The following NPAS2 variants were observed in gnomAD, a reference collection of about 807,000 sequenced individuals.
NPAS2 encodes neuronal PAS domain protein 2.
NPAS2 carries 23 observed loss-of-function variants against 107.5 expected under a neutral mutation model. The ratio of observed to expected loss-of-function variants is 0.21; its 90% CI spans 0.15 to 0.30. NPAS2 has a LOEUF of 0.30. NPAS2 is among the 10% of genes least tolerant of loss of function. NPAS2 has a pLI of 1.00. For synonymous variants in NPAS2, 403 were observed against 417.5 expected, an observed-to-expected ratio of 0.97 and a Z score of 0.42; for missense variants, 756 against 1,043.3, an observed-to-expected ratio of 0.72 and a Z score of 3.79.
At chr2:100,993,599 G>C in intron 20 of NPAS2, 72 bp downstream of exon 20, 6 of 1,203,714 alleles carry the variant, frequency 5.0e-6, no homozygotes, top group Non-Finnish European at 6.7e-6. Context: ...CGAAGTCTCA[G>C]AGATATTTTA....
chr2:100,848,211 C>G (rs866619894), intron 1 of NPAS2, among the ~76,000 whole-genome samples: 1 of 152,100 alleles, frequency 6.6e-6, no homozygotes, highest in Non-Finnish European at 1.5e-5. Context: ...TTCGATTTTG[C>G]AAAGACCCTG....
At position 100,993,369 on chromosome 2, in the gene NPAS2, T is replaced by A; in HGVS notation, c.2134T>A (p.Phe712Ile). 6.2e-7 allele frequency: 1 copy of A among 1,600,430 alleles called. No individual in the cohort carries two copies. The highest frequency in any genetic ancestry group is 8.5e-7 in the Non-Finnish European group (1 of 1,169,654). ...CAGGTACGCCCAGAGCCAGACCGTG[T>A]TTCAAAATCCAGACGCACACCCCGC... is the stretch of plus-strand genomic sequence containing the variant. ...QVKYAQSQTV[F>I]QNPDAHPANS... Residue 712 changes from phenylalanine to isoleucine, a missense_variant, in exon 20 of 21, where the codon TTT becomes ATT. This residue lies in a region of NPAS2 where 496 missense variants were observed against 594.4 expected (regional missense o/e 0.83). Coordinates refer to ENST00000335681, the MANE Select transcript of NPAS2 (RefSeq NM_002518.4).
At position 100,837,629 on chromosome 2, in the gene NPAS2, G is replaced by C. The variant is rs554889547; in HGVS notation, c.-23+17215G>C. ...CACCTGGCCTGGATTGCCATTTTTA[G>C]ACACACAGTTTACCTTTTAATTTTG... On this transcript the variant is annotated intron_variant, in intron 1 of 20. Coordinates refer to ENST00000335681, the MANE Select transcript of NPAS2 (RefSeq NM_002518.4). Among the ~76,000 whole-genome samples, 15 of 152,212 alleles carry C rather than the reference G, an allele frequency of 9.9e-5. No homozygotes were observed. In the East Asian group the frequency reaches 2.9e-3, roughly 29 times the overall value.
At chr2:100,840,683 A>G (rs1458300200) in intron 1 of NPAS2, among the ~76,000 whole-genome samples, 1 of 151,934 alleles carries the variant, frequency 6.6e-6, no homozygotes, top group East Asian at 1.9e-4. Context: ...GGAATTCCAG[A>G]GTCGATCTGT....
chr2:100,880,624 G>A (rs1680272890), intron 1 of NPAS2, among the ~76,000 whole-genome samples: 1 of 152,218 alleles, frequency 6.6e-6, no homozygotes, highest in Non-Finnish European at 1.5e-5. Context: ...GCATAGCTCA[G>A]TGGGTACAGG....
intron 1 of NPAS2, among the ~76,000 whole-genome samples, chr2:100,847,432 T>G (rs1677845427): frequency 6.6e-6 from 1 of 152,108 alleles, no homozygotes; most frequent in Admixed American, 6.5e-5. Context: ...TGCAGTGGTG[T>G]GATCTCAGCT....
intron 2 of NPAS2, among the ~76,000 whole-genome samples, chr2:100,907,676 A>G (rs1682252971): frequency 6.6e-6 from 1 of 152,156 alleles, no homozygotes; most frequent in Admixed American, 6.5e-5. Flanking sequence ...CAAAACTCTC[A>G]TTGCCTCCAG....
In NPAS2 at chr2:100,820,965, G is replaced by T; in HGVS notation, c.-23+551G>T. The T allele has an allele frequency of 3.6e-6, 4 of 1,122,462 alleles. No individual in the cohort carries two copies. In the South Asian group the frequency reaches 5.8e-5, roughly 16 times the overall value. The allele number at this position is 1,122,462 out of a possible 1,614,324, so 69.5% of individuals were successfully genotyped here. On this transcript the variant is annotated intron_variant, in intron 1 of 20. Coordinates refer to ENST00000335681, the MANE Select transcript of NPAS2 (RefSeq NM_002518.4). This position sits in a 1 kb window ranked among gnomAD's most constrained non-coding sequence, Gnocchi z 5.6. ...CAACCCCCGTGTGCGCAGACAGCGTGCAGCCTGGCTCCTCACGTCGCTGCC... is the reference window on the plus strand; with the variant it reads ...CAACCCCCGTGTGCGCAGACAGCGTTCAGCCTGGCTCCTCACGTCGCTGCC...
At position 100,974,910 on chromosome 2, in the gene NPAS2, C is replaced by T. The variant is rs200967952; in HGVS notation, c.1248C>T (p.His416=). 7.7e-4 allele frequency: 1,236 copies of T among 1,614,032 alleles called. 9 individuals carry two copies. The highest frequency in any genetic ancestry group is 5.8e-3 in the South Asian group (524 of 91,076). The change falls in exon 13 of 21, where the codon CAC becomes CAT. Residue 416 remains histidine (H), a synonymous_variant. Coordinates refer to ENST00000335681, the MANE Select transcript of NPAS2 (RefSeq NM_002518.4). The part of the protein sequence containing the change: ...HSPSASSRSS[H]KSSHTAMSEP... ...CATCGGCGTCCTCAAGAAGTTCCCA[C>T]AAATCCTCGCACACAGCCATGTCAG... is the stretch of plus-strand genomic sequence containing the variant.
chr2:100,984,459 A>G (rs1262540836), intron 16 of NPAS2: 1 of 152,226 alleles, frequency 6.6e-6, no homozygotes, highest in Admixed American at 6.5e-5. Context: ...GTTTCATTAT[A>G]TTACTTGTCT....
chr2:100,975,487 A>G lies in NPAS2; in HGVS notation c.1312A>G (p.Ser438Gly), dbSNP rs1469421742. The G allele has an allele frequency of 4.3e-6, 7 of 1,613,408 alleles. No homozygotes were observed. In the Admixed American group the frequency reaches 5.0e-5, roughly 12 times the overall value. ...TCCCACCAAGCTGATGGCAGAGGCC[A>G]GCACCCCGGCTTTGCCAAGATCAGC... is the stretch of plus-strand genomic sequence containing the variant. ...STPTKLMAEA[S>G]TPALPRSATL... Residue 438 changes from serine (S) to glycine (G), a missense_variant, in exon 14 of 21, where the codon AGC (serine) becomes GGC (glycine). Ser to Gly is a moderately conservative substitution (Grantham distance 56). Transcript: ENST00000335681.
chr2:100,950,717 T>C (rs6714656), intron 7 of NPAS2, among the ~76,000 whole-genome samples: 97,246 of 152,134 alleles, frequency 0.64, 31,394 homozygotes, highest in African/African-American at 0.73. Context: ...GCTCCTTGGC[T>C]GACTGGGAGG....
At chr2:100,930,972 T>C (rs566105926) in intron 3 of NPAS2, among the ~76,000 whole-genome samples, 67 of 152,344 alleles carry the variant, frequency 4.4e-4, no homozygotes, top group Non-Finnish European at 7.9e-4. Flanking sequence ...TTAAATATTA[T>C]AGCACATCTT....
chr2:100,970,294 T>A (rs546241712), intron 11 of NPAS2, among the ~76,000 whole-genome samples: 1 of 152,266 alleles, frequency 6.6e-6, no homozygotes, highest in Admixed American at 6.5e-5. Context: ...CCTCCACCTC[T>A]CAAATCCTTG....
chr2:100,956,154 C>T (rs896990669), intron 7 of NPAS2, among the ~76,000 whole-genome samples: 1 of 152,178 alleles, frequency 6.6e-6, no homozygotes, highest in African/African-American at 2.4e-5. Context: ...AATCCTCCCG[C>T]CTTGGCCTCC....
chr2:100,849,368 G>A (rs554672220), intron 1 of NPAS2, among the ~76,000 whole-genome samples: 1 of 152,288 alleles, frequency 6.6e-6, no homozygotes, highest in South Asian at 2.1e-4. Context: ...GACAGTGGCA[G>A]CAGGTCACAG....
chr2:100,947,840 C>T (rs1674996567), intron 5 of NPAS2, among the ~76,000 whole-genome samples: 1 of 152,226 alleles, frequency 6.6e-6, no homozygotes, highest in South Asian at 2.1e-4. Context: ...AGGAAAGGAA[C>T]CCTGTGGGCT....
At chr2:100,979,388 A>G (rs1287861954) in intron 15 of NPAS2, among the ~76,000 whole-genome samples, 1 of 151,012 alleles carries the variant, frequency 6.6e-6, no homozygotes, top group Admixed American at 6.6e-5. Context: ...TGTGTTTACA[A>G]GACACGATGG....
chr2:100,987,723 G>C (rs1046737993), intron 16 of NPAS2: 4 of 269,620 alleles, frequency 1.5e-5, no homozygotes, highest in Non-Finnish European at 2.1e-5. Flanking sequence ...CACTCACCAG[G>C]TATTTCTCCC....
Sources: gnomAD v4.1 joint callset for allele counts (sites outside exome capture counted in the v4.1 genomes callset) on GRCh38, gnomAD v4.1.1 for gene constraint, gnomAD v4.1.1 regional missense constraint, Gnocchi (gnomAD v3.1) non-coding constraint, MANE v1.5 for transcripts, NCBI Gene and HGNC (gene_info 2026-07-23, HGNC 2026-07-21) for gene names.